The following HADHA variants were observed in gnomAD, a reference collection of about 807,000 sequenced individuals.
HADHA encodes hydroxyacyl-CoA dehydrogenase trifunctional multienzyme complex subunit alpha.
A neutral mutation model predicts 91.3 loss-of-function variants in HADHA; 59 were observed. That is an observed-to-expected ratio of 0.65 (90% CI 0.52 to 0.80). The LOEUF (loss-of-function observed/expected upper bound fraction) is 0.80. Ranked by LOEUF, HADHA falls within the 30% of genes least tolerant of loss-of-function variation. The probability of loss-of-function intolerance (pLI) is 0.00; values close to 1 mark genes in which losing one functional copy is unlikely to be tolerated. For missense variants in HADHA, 800 were observed against 927.6 expected (o/e 0.86, Z 1.79); for synonymous variants, 320 against 338.9 (o/e 0.94, Z 0.61).
In HADHA at chr2:26,229,336, ATG is replaced by A. The variant is rs796826432; in HGVS notation, c.676+854_676+855del. ...CTGAGCAACAGAGTGAGACCCCAAC[ATG>A]TGTGCGCGCGCACACACACACACAC... On this transcript the variant is annotated intron_variant, in intron 7 of 19. Transcript: ENST00000380649. The surrounding 1 kb of genome is among the most constrained non-coding windows in gnomAD (Gnocchi z 4.3). 1.8e-3 allele frequency among the ~76,000 whole-genome samples: 177 copies of A among 100,580 alleles called. No individual in the cohort carries two copies. The highest frequency in any genetic ancestry group is 3.6e-3 in the East Asian group (12 of 3,374). 66.0% of individuals were successfully genotyped at this position (100,580 alleles called of 152,430 possible).
At chr2:26,200,027 G>A (rs758922388) in intron 13 of HADHA, among the ~76,000 whole-genome samples, 10 of 152,206 alleles carry the variant, frequency 6.6e-5, no homozygotes, top group Non-Finnish European at 1.5e-4. Flanking sequence ...GGAGACATGA[G>A]GAAGATACTA....
intron 18 of HADHA, among the ~76,000 whole-genome samples, 189 bp downstream of exon 18, chr2:26,192,121 G>C (rs1669524404): frequency 6.6e-6 from 1 of 151,950 alleles, no homozygotes; most frequent in Non-Finnish European, 1.5e-5. Flanking sequence ...TGGTCCTCCT[G>C]TTCAGGTATG....
intron 4 of HADHA, among the ~76,000 whole-genome samples, chr2:26,236,083 T>C (rs1574626054): frequency 6.6e-6 from 1 of 152,364 alleles, no homozygotes; most frequent in East Asian, 1.9e-4. Flanking sequence ...ATATACTGTA[T>C]GAAACATTCT....
At chr2:26,222,616 C>T (rs980500375) in intron 7 of HADHA, among the ~76,000 whole-genome samples, 5 of 152,016 alleles carry the variant, frequency 3.3e-5, no homozygotes, top group African/African-American at 4.8e-5. Context: ...TATGCATGGG[C>T]TTAGGCAATA....
At position 26,196,865 on chromosome 2, in the gene HADHA, G is replaced by A. The variant is rs374773155; in HGVS notation, c.1479+826C>T. Among the ~76,000 whole-genome samples, 7 of 152,204 alleles carry A rather than the reference G, an allele frequency of 4.6e-5. No individual in the cohort carries two copies. The East Asian group carries it at 1.2e-3, about 25-fold the overall frequency. On this transcript the variant is annotated intron_variant, in intron 14 of 19. Transcript: ENST00000380649. ...CCAGACTGTCCATCTGTAGACTATCGGCTGCAACTTCTCCCTATGACCTTT... is the reference window on the plus strand; with the variant it reads ...CCAGACTGTCCATCTGTAGACTATCAGCTGCAACTTCTCCCTATGACCTTT...
At chr2:26,213,401 A>C (rs1558322895) in intron 9 of HADHA, among the ~76,000 whole-genome samples, 1 of 152,230 alleles carries the variant, frequency 6.6e-6, no homozygotes, top group Non-Finnish European at 1.5e-5. Context: ...TATCGGACAA[A>C]GGTAAAATTT....
At chr2:26,219,925 C>A (rs1558325089) in intron 7 of HADHA, among the ~76,000 whole-genome samples, 1 of 152,190 alleles carries the variant, frequency 6.6e-6, no homozygotes, top group Non-Finnish European at 1.5e-5. Flanking sequence ...GCCCCTTAAG[C>A]AATTCCCAGA....
intron 4 of HADHA, 74 bp from the exon 5 acceptor site, chr2:26,234,429 T>C: frequency 8.4e-7 from 1 of 1,197,044 alleles, no homozygotes; most frequent in Non-Finnish European, 1.2e-6. Context: ...ACTTATTCAC[T>C]ATACACTTAT....
rs760349634 is a variant in HADHA at position 26,214,512 on chromosome 2, G to A, written c.849C>T (p.Tyr283=). 8 of 1,608,864 alleles carry A rather than the reference G, an allele frequency of 5.0e-6. No individual in the cohort carries two copies. The highest frequency in any genetic ancestry group is 6.0e-6 in the Non-Finnish European group (7 of 1,176,018). The change falls in exon 9 of 20, where the codon TAC becomes TAT. Residue 283 remains tyrosine (Y), a synonymous_variant. Coordinates refer to ENST00000380649, the MANE Select transcript of HADHA (RefSeq NM_000182.5). This position sits in a 1 kb window ranked among gnomAD's most constrained non-coding sequence, Gnocchi z 4.1. The part of the protein sequence containing the change: ...MTIPFVRQQV[Y]KKVEEKVRKQ... ...TTCGCACTTTTTCTTCCACTTTTTTGTAAACCTGTTGCCTGACAAATGGAA... is the reference window on the plus strand; with the variant it reads ...TTCGCACTTTTTCTTCCACTTTTTTATAAACCTGTTGCCTGACAAATGGAA...
intron 18 of HADHA, among the ~76,000 whole-genome samples, chr2:26,191,931 G>A (rs1422591681): frequency 2.6e-5 from 4 of 152,230 alleles, no homozygotes; most frequent in African/African-American, 9.6e-5. Context: ...AGATCTGGGA[G>A]GGTGAAGGGG....
In HADHA at chr2:26,197,701, CT is replaced by C; in HGVS notation, c.1468del (p.Arg490AspfsTer5). On this transcript the variant is annotated frameshift_variant, in exon 14 of 20. Transcript: ENST00000380649. LOFTEE classifies it high-confidence loss of function. ...CTGTTCCGAGTTTACCTTCTCAGGT[CT>C]TTTGCTGACAGCAGCGATTTCACTG... ...PISEIAAVSK[R>X]PEKVIGMHYF... 1.4e-6 allele frequency: 2 copies of C among 1,454,086 alleles called. No homozygotes were observed. Among genetic ancestry groups the C allele is most frequent in the Non-Finnish European group, 1.9e-6 (2 of 1,033,610 alleles). The allele number at this position is 1,454,086 out of a possible 1,614,324, so 90.1% of individuals were successfully genotyped here. A position where few individuals can be genotyped will look rare whatever the true frequency, so the allele number is the denominator to read the frequency against.
chr2:26,198,666 A>AC (rs1425916202), intron 13 of HADHA, among the ~76,000 whole-genome samples: 2 of 151,746 alleles, frequency 1.3e-5, no homozygotes, highest in African/African-American at 4.8e-5. Flanking sequence ...AGATTTAAAA[A>AC]AAAAAGGAAA....
rs1174700248 is a variant in HADHA at position 26,229,109 on chromosome 2, GGGA to G, written c.676+1080_676+1082del. Among the ~76,000 whole-genome samples, 1 of 152,152 alleles carries G rather than the reference GGGA, an allele frequency of 6.6e-6. No individual in the cohort carries two copies. The highest frequency in any genetic ancestry group is 2.4e-5 in the African/African-American group (1 of 41,432). On this transcript the variant is annotated intron_variant, in intron 7 of 19. Coordinates refer to ENST00000380649, the MANE Select transcript of HADHA (RefSeq NM_000182.5). The surrounding 1 kb of genome is among the most constrained non-coding windows in gnomAD (Gnocchi z 4.3). ...AAATCTCGGCACTTTGGGTGGCTGA[GGGA>G]GGAGGATTACTTGAGCCCGGAGTTT...
intron 6 of HADHA, among the ~76,000 whole-genome samples, chr2:26,230,646 A>C (rs937222379): frequency 4.6e-5 from 7 of 152,118 alleles, no homozygotes; most frequent in African/African-American, 1.7e-4. Flanking sequence ...CTGGCCAGGC[A>C]CGGTGGCTCA....
At chr2:26,222,889 CAG>C (rs1281441352) in intron 7 of HADHA, among the ~76,000 whole-genome samples, 1 of 152,180 alleles carries the variant, frequency 6.6e-6, no homozygotes. Flanking sequence ...CAGTATTTTG[CAG>C]AGTCAATGTC....
At chr2:26,208,456 A>C (rs1337361457) in intron 11 of HADHA, among the ~76,000 whole-genome samples, 3 of 152,168 alleles carry the variant, frequency 2.0e-5, no homozygotes, top group Non-Finnish European at 4.4e-5. Context: ...TTAAGACACT[A>C]GGTTTTTTAA....
In HADHA at chr2:26,214,600, GCCTAGATTC is replaced by G. The variant is rs1670175485; in HGVS notation, c.800-48_800-40del. 1.0e-5 allele frequency: 11 copies of G among 1,048,438 alleles called. No homozygotes were observed. The highest frequency in any genetic ancestry group is 4.7e-5 in the African/African-American group (3 of 64,392). The allele number at this position is 1,048,438 out of a possible 1,614,324, so 64.9% of individuals were successfully genotyped here. On this transcript the variant is annotated intron_variant, in intron 8 of 19. Transcript: ENST00000380649. The surrounding 1 kb of genome is among the most constrained non-coding windows in gnomAD (Gnocchi z 4.1). ...TGCTTTTAGATATTTACTATAAAGAGCCTAGATTCCCTTGTTAGTTTATGCTCTAAACTC... is the reference window on the plus strand; with the variant it reads ...TGCTTTTAGATATTTACTATAAAGAGCCTTGTTAGTTTATGCTCTAAACTC...
At chr2:26,195,042 C>G (rs1558315360) in intron 15 of HADHA, 50 bp downstream of exon 15, 1 of 1,450,390 alleles carries the variant, frequency 6.9e-7, no homozygotes, top group African/African-American at 1.4e-5. Context: ...TAAAAGGAGT[C>G]TTATTAGAAC....
rs1669478635 is a variant in HADHA, at chr2:26,190,975, G to A, written c.*275C>T. The A allele has an allele frequency of 2.6e-5, 14 of 546,298 alleles. No individual in the cohort carries two copies. The South Asian group carries it at 2.8e-4, about 11-fold the overall frequency. The allele number at this position is 546,298 out of a possible 1,614,324, so 33.8% of individuals were successfully genotyped here. A position where few individuals can be genotyped will look rare whatever the true frequency, so the allele number is the denominator to read the frequency against. On this transcript the variant is annotated 3_prime_UTR_variant, in exon 20 of 20. Coordinates refer to ENST00000380649, the MANE Select transcript of HADHA (RefSeq NM_000182.5). ...TCTTGGGAGGAACAGGCAGAGAGGT[G>A]GCTTCAGATGGCTCTTGGCTGCCAC...
Sources: gnomAD v4.1 joint callset for allele counts (sites outside exome capture counted in the v4.1 genomes callset) on GRCh38, gnomAD v4.1.1 for gene constraint, Gnocchi (gnomAD v3.1) non-coding constraint, MANE v1.5 for transcripts, NCBI Gene and HGNC (gene_info 2026-07-23, HGNC 2026-07-21) for gene names.